The following CNTNAP5 variants were observed in gnomAD, a reference collection of about 807,000 sequenced individuals.
CNTNAP5 encodes contactin associated protein family member 5, also known as contactin-associated protein-like 5.
CNTNAP5 carries 72 observed loss-of-function variants against 150.2 expected under a neutral mutation model. That is an observed-to-expected ratio of 0.48 (90% CI 0.40 to 0.58). The LOEUF is 0.58. CNTNAP5 is among the 20% of genes least tolerant of loss of function. The pLI is 0.00. For synonymous variants in CNTNAP5, 672 were observed against 619.8 expected (o/e 1.08, Z -1.25); for missense variants, 1,636 against 1,626.2 (o/e 1.01, Z -0.10).
At chr2:124,449,697 G>A (rs1420273634) in intron 6 of CNTNAP5, among the ~76,000 whole-genome samples, 5 of 152,298 alleles carry the variant, frequency 3.3e-5, no homozygotes, top group East Asian at 3.9e-4. Flanking sequence ...ACCTTGAAAC[G>A]TTTCTCTGAA....
chr2:124,517,919 G>T (rs905336595), intron 8 of CNTNAP5, among the ~76,000 whole-genome samples: 3 of 151,500 alleles, frequency 2.0e-5, no homozygotes, highest in Non-Finnish European at 4.4e-5. Flanking sequence ...GAGGGGTTGT[G>T]GTGTTGGTGA....
In CNTNAP5 at chr2:124,025,677, C is replaced by G. The variant is rs1200581454; in HGVS notation, c.27C>G (p.Ser9Arg). 1.2e-6 allele frequency: 2 copies of G among 1,613,796 alleles called. No individual in the cohort carries two copies. The highest frequency in any genetic ancestry group is 2.7e-5 in the African/African-American group (2 of 74,978). Residue 9 changes from serine to arginine, a missense_variant, in exon 1 of 24, where the codon AGC becomes AGG. Transcript: ENST00000682447. MDSLPRLT[S>R]VLTLLFSGLW... is the part of the protein sequence containing the mutation. ...TGGATTCTTTACCACGGCTGACCAG[C>G]GTTTTGACTTTGCTGTTCTCTGGCT...
chr2:124,885,409 A>G (rs1407805319), intron 21 of CNTNAP5, among the ~76,000 whole-genome samples: 2 of 152,030 alleles, frequency 1.3e-5, no homozygotes, highest in Non-Finnish European at 2.9e-5. Flanking sequence ...TCCTCAGACC[A>G]TTATAATACC....
chr2:124,125,272 G>C (rs1042844751), intron 1 of CNTNAP5, among the ~76,000 whole-genome samples: 2 of 152,110 alleles, frequency 1.3e-5, no homozygotes, highest in African/African-American at 4.8e-5. Context: ...CCTAGTCTCT[G>C]ATAAAACAGA....
chr2:124,858,360 C>T (rs1376360572), intron 19 of CNTNAP5, among the ~76,000 whole-genome samples: 4 of 152,216 alleles, frequency 2.6e-5, no homozygotes, highest in Non-Finnish European at 4.4e-5. Flanking sequence ...AGCAAAGTCT[C>T]AGGATACAAA....
At chr2:124,462,945 T>A (rs1693287478) in intron 6 of CNTNAP5, among the ~76,000 whole-genome samples, 2 of 152,178 alleles carry the variant, frequency 1.3e-5, no homozygotes, top group Non-Finnish European at 2.9e-5. Flanking sequence ...ACGAGAACGG[T>A]GAAGACCCTT....
intron 1 of CNTNAP5, among the ~76,000 whole-genome samples, chr2:124,082,924 G>C (rs1268137833): frequency 6.6e-6 from 1 of 152,048 alleles, no homozygotes; most frequent in Non-Finnish European, 1.5e-5. Context: ...GTGTTTATTT[G>C]CCATCTGAAT....
intron 1 of CNTNAP5, among the ~76,000 whole-genome samples, chr2:124,151,683 C>T (rs1247932034): frequency 2.7e-4 from 41 of 152,340 alleles, no homozygotes; most frequent in African/African-American, 7.2e-5. Context: ...TGACAGATAA[C>T]GCAGGACCTA....
At chr2:124,883,189 G>T (rs1678003312) in intron 21 of CNTNAP5, among the ~76,000 whole-genome samples, 1 of 151,338 alleles carries the variant, frequency 6.6e-6, no homozygotes, top group African/African-American at 2.4e-5. Context: ...AGCCTCTCAA[G>T]TAGCTGGGAA....
At chr2:124,257,709 G>T (rs1388931963) in intron 3 of CNTNAP5, among the ~76,000 whole-genome samples, 1 of 151,984 alleles carries the variant, frequency 6.6e-6, no homozygotes, top group Non-Finnish European at 1.5e-5. Flanking sequence ...TCTAGATTTG[G>T]TTATAATCCA....
chr2:124,585,669 C>CTTTTTGTTTTT (rs1696513524), intron 11 of CNTNAP5, among the ~76,000 whole-genome samples: 1 of 66,408 alleles, frequency 1.5e-5, no homozygotes, highest in Non-Finnish European at 2.7e-5. Context: ...GAGCTTGAAG[C>CTTTTTGTTTTT]TTTTTTTTTT....
At chr2:124,222,556 C>T (rs898172382) in intron 2 of CNTNAP5, among the ~76,000 whole-genome samples, 1 of 151,810 alleles carries the variant, frequency 6.6e-6, no homozygotes, top group Non-Finnish European at 1.5e-5. Context: ...TAAACTTTTC[C>T]TAGGTCAAGA....
chr2:124,504,242 T>C (rs375864273), intron 7 of CNTNAP5, 50 bp from the exon 8 acceptor site: 2 of 1,575,866 alleles, frequency 1.3e-6, no homozygotes, highest in African/African-American at 1.3e-5. Context: ...AGCTGTCAGA[T>C]TGCGGAATAA....
chr2:124,707,132 G>GA (rs1558743700), intron 13 of CNTNAP5, among the ~76,000 whole-genome samples: 35 of 93,904 alleles, frequency 3.7e-4, no homozygotes, highest in Non-Finnish European at 5.6e-4. Flanking sequence ...GAAAGAAGAA[G>GA]AAGAAGAGGA....
intron 1 of CNTNAP5, among the ~76,000 whole-genome samples, chr2:124,199,907 C>T (rs1573830126): frequency 6.6e-6 from 1 of 152,186 alleles, no homozygotes; most frequent in East Asian, 1.9e-4. Flanking sequence ...ATACAATCAT[C>T]ACCCATGAAT....
chr2:124,663,382 T>C (rs1180123079), intron 13 of CNTNAP5, among the ~76,000 whole-genome samples: 1 of 152,154 alleles, frequency 6.6e-6, no homozygotes, highest in Admixed American at 6.6e-5. Flanking sequence ...TTCCATAAGT[T>C]GCCCCCCAAA....
intron 5 of CNTNAP5, among the ~76,000 whole-genome samples, chr2:124,438,774 A>G (rs1423309143): frequency 6.6e-6 from 1 of 152,224 alleles, no homozygotes; most frequent in African/African-American, 2.4e-5. Flanking sequence ...TAAATACTAT[A>G]AAAGTTTTTT....
intron 11 of CNTNAP5, among the ~76,000 whole-genome samples, chr2:124,576,850 T>C (rs777366809): frequency 6.6e-6 from 1 of 152,212 alleles, no homozygotes; most frequent in Non-Finnish European, 1.5e-5. Flanking sequence ...AGTGCCTATA[T>C]AGGAAGTGCC....
chr2:124,605,612 T>A (rs1697086086), intron 11 of CNTNAP5, among the ~76,000 whole-genome samples: 1 of 151,828 alleles, frequency 6.6e-6, no homozygotes, highest in Non-Finnish European at 1.5e-5. Context: ...GTCAGGAATT[T>A]GAGACCAGCT....
Sources: gnomAD v4.1 joint callset for allele counts (sites outside exome capture counted in the v4.1 genomes callset) on GRCh38, gnomAD v4.1.1 for gene constraint, MANE v1.5 for transcripts, NCBI Gene and HGNC (gene_info 2026-07-23, HGNC 2026-07-21) for gene names.